The following CABCOCO1 variants were observed in gnomAD, a reference collection of about 807,000 sequenced individuals.
CABCOCO1 encodes the protein ciliary-associated calcium-binding coiled-coil protein 1.
A neutral mutation model predicts 35.7 loss-of-function variants in CABCOCO1; 28 were observed. The observed-to-expected ratio is 0.78, with a 90% confidence interval of 0.58 to 1.07. CABCOCO1 has a LOEUF of 1.07. Ranked by LOEUF, CABCOCO1 falls within the 50% of genes least tolerant of loss-of-function variation. The pLI, the probability that CABCOCO1 is intolerant of heterozygous loss-of-function variation, is 0.00. For synonymous variants in CABCOCO1, 95 were observed against 100.1 expected (o/e 0.95, Z 0.30); for missense variants, 326 against 309.2 (o/e 1.05, Z -0.41).
intron 2 of CABCOCO1, among the ~76,000 whole-genome samples, chr10:61,675,050 T>A (rs926441611): frequency 2.0e-5 from 3 of 152,170 alleles, no homozygotes; most frequent in African/African-American, 7.2e-5. Context: ...ATGCACCCCA[T>A]TGTCAAGAAC....
At chr10:61,734,164 C>T (rs1338345779) in intron 5 of CABCOCO1, among the ~76,000 whole-genome samples, 1 of 151,990 alleles carries the variant, frequency 6.6e-6, no homozygotes, top group Non-Finnish European at 1.5e-5. Flanking sequence ...CCCTAAACCT[C>T]TTTTTACACT....
At chr10:61,737,812 AG>A (rs1841455863) in intron 5 of CABCOCO1, among the ~76,000 whole-genome samples, 1 of 152,028 alleles carries the variant, frequency 6.6e-6, no homozygotes, top group African/African-American at 2.4e-5. Flanking sequence ...TTGAAGCAGG[AG>A]GGTGGGAGGA....
intron 5 of CABCOCO1, among the ~76,000 whole-genome samples, chr10:61,750,124 G>A (rs1841749820): frequency 6.6e-6 from 1 of 152,084 alleles, no homozygotes; most frequent in Admixed American, 6.5e-5. Context: ...GTGAATCATG[G>A]CCCCTAGAGT....
chr10:61,672,881 A>T (rs1839402961), intron 2 of CABCOCO1, 146 bp downstream of exon 2: 1 of 460,364 alleles, frequency 2.2e-6, no homozygotes, highest in African/African-American at 2.1e-5. Context: ...AAAACACAAA[A>T]ATTCTCAAGT....
At position 61,760,126 on chromosome 10, in the gene CABCOCO1, T is replaced by C. The variant is rs780830270; in HGVS notation, c.620T>C (p.Phe207Ser). Residue 207 changes from phenylalanine (F) to serine (S), a missense_variant, in exon 6 of 8, where the codon TTT (phenylalanine) becomes TCT (serine). Phe to Ser is a radical substitution (Grantham distance 155, BLOSUM62 -2). Coordinates refer to ENST00000648843, the MANE Select transcript of CABCOCO1 (RefSeq NM_001366906.2). ...FPNPLEEGIS[F>S]DIYSTFIEPP... ...AATCCTCTGGAAGAAGGAATCTCAT[T>C]TGATATTTATTCAACATTCATAGAG... 1 of 1,612,038 alleles carries C rather than the reference T, an allele frequency of 6.2e-7. No homozygotes were observed.
At chr10:61,718,639 A>C (rs1363891636) in intron 5 of CABCOCO1, among the ~76,000 whole-genome samples, 4 of 152,198 alleles carry the variant, frequency 2.6e-5, no homozygotes, top group African/African-American at 9.6e-5. Flanking sequence ...AAGGCAACCA[A>C]TCAAGTTGTC....
At chr10:61,755,352 T>C (rs1242620555) in intron 5 of CABCOCO1, among the ~76,000 whole-genome samples, 1 of 152,102 alleles carries the variant, frequency 6.6e-6, no homozygotes, top group Non-Finnish European at 1.5e-5. Flanking sequence ...AAATGAGTAA[T>C]GCCTTTCTTC....
intron 5 of CABCOCO1, among the ~76,000 whole-genome samples, chr10:61,716,432 A>G (rs1484466305): frequency 6.6e-6 from 1 of 152,078 alleles, no homozygotes; most frequent in African/African-American, 2.4e-5. Flanking sequence ...CCACCTTTCA[A>G]TGGGGGGAGT....
At chr10:61,715,728 T>C (rs963341289) in intron 5 of CABCOCO1, among the ~76,000 whole-genome samples, 2 of 152,194 alleles carry the variant, frequency 1.3e-5, no homozygotes, top group Non-Finnish European at 2.9e-5. Context: ...AATCTCAGCA[T>C]TTGCTTGTCT....
At chr10:61,762,040 G>C (rs1842020214) in intron 7 of CABCOCO1, among the ~76,000 whole-genome samples, 1 of 152,088 alleles carries the variant, frequency 6.6e-6, no homozygotes, top group Non-Finnish European at 1.5e-5. Context: ...GTAATAACTG[G>C]TTATTGTGTA....
chr10:61,744,938 T>C (rs1841625535), intron 5 of CABCOCO1, among the ~76,000 whole-genome samples: 1 of 152,212 alleles, frequency 6.6e-6, no homozygotes. Flanking sequence ...TGCAGCCCTA[T>C]ATTTCCATTT....
intron 1 of CABCOCO1, among the ~76,000 whole-genome samples, chr10:61,665,615 C>T (rs1839141758): frequency 6.6e-6 from 1 of 152,022 alleles, no homozygotes; most frequent in African/African-American, 2.4e-5. Context: ...AGGCCGGGCG[C>T]GGTGGCTCAC....
intron 5 of CABCOCO1, among the ~76,000 whole-genome samples, chr10:61,729,768 A>T (rs1029248649): frequency 7.2e-5 from 11 of 152,202 alleles, no homozygotes; most frequent in African/African-American, 2.4e-4. Context: ...ATACAATGGA[A>T]TATTACTCAG....
At chr10:61,763,152 T>C (rs1842041199) in intron 7 of CABCOCO1, among the ~76,000 whole-genome samples, 1 of 152,130 alleles carries the variant, frequency 6.6e-6, no homozygotes, top group African/African-American at 2.4e-5. Context: ...TTCTCCTACT[T>C]TGTTTAAAAG....
intron 5 of CABCOCO1, among the ~76,000 whole-genome samples, chr10:61,730,412 T>C (rs771617748): frequency 1.3e-5 from 2 of 152,050 alleles, no homozygotes; most frequent in Admixed American, 6.6e-5. Context: ...AGCACTACAG[T>C]TATGAATAGG....
intron 5 of CABCOCO1, among the ~76,000 whole-genome samples, chr10:61,702,456 T>C (rs1048248568): frequency 6.6e-6 from 1 of 152,130 alleles, no homozygotes; most frequent in Non-Finnish European, 1.5e-5. Context: ...TTGCTTACAG[T>C]TGGAGTGGAT....
chr10:61,720,957 C>T (rs1259296528), intron 5 of CABCOCO1, among the ~76,000 whole-genome samples: 7 of 89,078 alleles, frequency 7.9e-5, no homozygotes, highest in Non-Finnish European at 1.5e-4. Flanking sequence ...CAGAGTCTCA[C>T]TCCGTCGCCC....
chr10:61,676,661 A>G (rs774229810), intron 2 of CABCOCO1, among the ~76,000 whole-genome samples: 4 of 152,230 alleles, frequency 2.6e-5, no homozygotes, highest in Non-Finnish European at 5.9e-5. Flanking sequence ...TAAAGGGTTA[A>G]TATCCCTAAG....
intron 5 of CABCOCO1, among the ~76,000 whole-genome samples, chr10:61,734,276 A>G (rs2132058099): frequency 6.6e-6 from 1 of 152,110 alleles, no homozygotes; most frequent in Admixed American, 6.6e-5. Context: ...GTACACCTTT[A>G]AAATTAAGTT....
Sources: gnomAD v4.1 joint callset for allele counts (sites outside exome capture counted in the v4.1 genomes callset) on GRCh38, gnomAD v4.1.1 for gene constraint, MANE v1.5 for transcripts, NCBI Gene and HGNC (gene_info 2026-07-23, HGNC 2026-07-21) for gene names.